The following HIVEP1 variants were observed in gnomAD, a reference collection of about 807,000 sequenced individuals.
HIVEP1 encodes zinc finger protein 40.
Under a neutral mutation model 180.0 loss-of-function variants are expected in HIVEP1, and 36 were observed. That is an observed-to-expected ratio of 0.20 (90% CI 0.15 to 0.26). The LOEUF (loss-of-function observed/expected upper bound fraction) is 0.26. Ranked by LOEUF, HIVEP1 falls within the 10% of genes least tolerant of loss-of-function variation. HIVEP1 has a pLI of 1.00. For missense variants in HIVEP1, 3,143 were observed against 3,268.7 expected (o/e 0.96, Z 0.94); for synonymous variants, 1,239 against 1,239.0 (o/e 1.00, Z 0.00).
At chr6:12,111,149 C>T (rs890979224) in intron 3 of HIVEP1, among the ~76,000 whole-genome samples, 1 of 152,124 alleles carries the variant, frequency 6.6e-6, no homozygotes, top group African/African-American at 2.4e-5. Context: ...CAAAGATCAC[C>T]ATGACAGATA....
the HIVEP1 span, among the ~76,000 whole-genome samples, chr6:12,181,677 C>A: frequency 6.6e-6 from 1 of 152,170 alleles, no homozygotes; most frequent in South Asian, 2.1e-4. Flanking sequence ...CTCAAAACAA[C>A]AGACACCCAA....
At chr6:12,133,131 G>C (rs1346073156) in intron 6 of HIVEP1, among the ~76,000 whole-genome samples, 1 of 152,138 alleles carries the variant, frequency 6.6e-6, no homozygotes, top group African/African-American at 2.4e-5. Flanking sequence ...GATCTGTAGA[G>C]CTAAAAATTG....
At chr6:12,133,979 C>CA (rs111307585) in intron 6 of HIVEP1, among the ~76,000 whole-genome samples, 1,911 of 117,220 alleles carry the variant, frequency 0.016, 36 homozygotes, top group African/African-American at 0.05. Flanking sequence ...CCGTCTCAAC[C>CA]AAAAAAAAAA....
rs114954383 is a variant in HIVEP1, at chr6:12,031,711, C to T, written c.40+16043C>T. ...CTTACCTGCAGTTCAGTACTTTCCA[C>T]GAAGAAATGCCCCTCCACGTGTATA... On this transcript the variant is annotated intron_variant, in intron 2 of 8. Coordinates refer to ENST00000379388, the MANE Select transcript of HIVEP1 (RefSeq NM_002114.4). Among the ~76,000 whole-genome samples the T allele has an allele frequency of 4.4e-3, 677 of 152,306 alleles. 8 individuals carry two copies. Among genetic ancestry groups the T allele is most frequent in the African/African-American group, 0.016 (651 of 41,568 alleles).
chr6:12,101,438 G>A (rs769788838), intron 3 of HIVEP1, among the ~76,000 whole-genome samples: 31 of 151,924 alleles, frequency 2.0e-4, no homozygotes, highest in Non-Finnish European at 3.4e-4. Context: ...ACAAAAGGAG[G>A]AAAAAGGAAA....
chr6:12,211,290 C>T, the HIVEP1 span, among the ~76,000 whole-genome samples: 1 of 94,230 alleles, frequency 1.1e-5, no homozygotes, highest in African/African-American at 5.3e-5. Context: ...GTCCCAGCTA[C>T]TCCGGAGGCT....
At chr6:12,165,984 T>C (rs907627785), downstream of HIVEP1, among the ~76,000 whole-genome samples, 9 of 152,216 alleles carry the variant, frequency 5.9e-5, no homozygotes, top group African/African-American at 2.2e-4. Context: ...AAATGAATGC[T>C]TCAATTTACA....
At chr6:12,054,503 C>G (rs1360044418) in intron 2 of HIVEP1, among the ~76,000 whole-genome samples, 1 of 152,062 alleles carries the variant, frequency 6.6e-6, no homozygotes, top group Non-Finnish European at 1.5e-5. Flanking sequence ...GAATATATAA[C>G]TACACATGAA....
intron 2 of HIVEP1, among the ~76,000 whole-genome samples, chr6:12,050,530 G>A (rs1040446732): frequency 1.4e-4 from 21 of 151,636 alleles, no homozygotes; most frequent in Non-Finnish European, 2.4e-4. Flanking sequence ...AGCTTGCAGT[G>A]AGCCGAGATC....
intron 6 of HIVEP1, among the ~76,000 whole-genome samples, chr6:12,134,931 T>C (rs1758621870): frequency 6.6e-6 from 1 of 152,212 alleles, no homozygotes; most frequent in Non-Finnish European, 1.5e-5. Context: ...GTTTATAAAA[T>C]TACAATGACC....
chr6:12,106,880 A>C (rs1293126269), intron 3 of HIVEP1, among the ~76,000 whole-genome samples: 1 of 152,060 alleles, frequency 6.6e-6, no homozygotes, highest in Non-Finnish European at 1.5e-5. Context: ...TTAGTTTGCT[A>C]GTTTTATTTT....
At chr6:12,051,662 T>A (rs997598729) in intron 2 of HIVEP1, among the ~76,000 whole-genome samples, 1 of 151,832 alleles carries the variant, frequency 6.6e-6, no homozygotes, top group Non-Finnish European at 1.5e-5. Flanking sequence ...GTCTAACCAT[T>A]TTTTTTGTTT....
intron 3 of HIVEP1, among the ~76,000 whole-genome samples, chr6:12,119,283 C>CT (rs1291062248): frequency 3.9e-5 from 6 of 152,208 alleles, no homozygotes; most frequent in Non-Finnish European, 1.5e-5. Context: ...GCACAGTTGT[C>CT]TCTTCGTGCT....
At chr6:12,167,991 A>G (rs1230016838), downstream of HIVEP1, among the ~76,000 whole-genome samples, 25 of 116,550 alleles carry the variant, frequency 2.1e-4, no homozygotes, top group African/African-American at 7.6e-4. Context: ...ACATGTATAT[A>G]TGTATATATT....
chr6:12,130,754 T>C lies in HIVEP1; in HGVS notation c.6210-13T>C. 6.7e-7 allele frequency: 1 copy of C among 1,498,830 alleles called. No individual in the cohort carries two copies. Among genetic ancestry groups the C allele is most frequent in the South Asian group, 1.2e-5 (1 of 82,748 alleles). The allele number at this position is 1,498,830 out of a possible 1,614,324, so 92.8% of individuals were successfully genotyped here. Reference sequence around the variant, plus strand: ...TGTCCAATCTCCCTATTCATTTTTTTTCTTTAAATTAGATATAAGTCAAAT... The same window carrying C: ...TGTCCAATCTCCCTATTCATTTTTTCTCTTTAAATTAGATATAAGTCAAAT... On this transcript the variant is annotated splice_polypyrimidine_tract_variant and intron_variant, in intron 5 of 8. Coordinates refer to ENST00000379388, the MANE Select transcript of HIVEP1 (RefSeq NM_002114.4).
At chr6:12,021,525 C>T (rs1768209701) in intron 2 of HIVEP1, among the ~76,000 whole-genome samples, 1 of 152,204 alleles carries the variant, frequency 6.6e-6, no homozygotes, top group South Asian at 2.1e-4. Context: ...GTCTCCTTTG[C>T]TTGTGTCCAC....
chr6:12,127,166 A>T (rs1157986510), intron 4 of HIVEP1, among the ~76,000 whole-genome samples: 18 of 145,520 alleles, frequency 1.2e-4, no homozygotes, highest in African/African-American at 4.8e-4. Context: ...CAGCAAGAAT[A>T]AAAAAAAAAA....
At chr6:12,048,064 CTGTTT>C (rs1242945431) in intron 2 of HIVEP1, among the ~76,000 whole-genome samples, 2 of 152,338 alleles carry the variant, frequency 1.3e-5, no homozygotes, top group East Asian at 3.9e-4. Flanking sequence ...CTGGACTCTT[CTGTTT>C]TTCACTAGCT....
At chr6:12,168,380 ATATGTATATATATAATATTT>A (rs1760816034), downstream of HIVEP1, among the ~76,000 whole-genome samples, 2 of 125,174 alleles carry the variant, frequency 1.6e-5, no homozygotes. Context: ...ATACATGTAT[ATATGTATATATATAATATTT>A]TATATAATAT....
Sources: gnomAD v4.1 joint callset for allele counts (sites outside exome capture counted in the v4.1 genomes callset) on GRCh38, gnomAD v4.1.1 for gene constraint, MANE v1.5 for transcripts, NCBI Gene and HGNC (gene_info 2026-07-23, HGNC 2026-07-21) for gene names.